Variants in SPOCK2 observed in about 807,000 individuals in gnomAD.
SPOCK2 encodes testican-2.
A neutral mutation model predicts 60.1 loss-of-function variants in SPOCK2; 39 were observed. The observed-to-expected ratio is 0.65, with a 90% confidence interval of 0.50 to 0.85. The LOEUF (loss-of-function observed/expected upper bound fraction) is 0.85. SPOCK2 is among the 40% of genes least tolerant of loss of function. The pLI is 0.00. For missense variants in SPOCK2, 523 were observed against 567.4 expected (o/e 0.92, Z 0.80); for synonymous variants, 217 against 231.5 (o/e 0.94, Z 0.57).
intron 1 of SPOCK2, among the ~76,000 whole-genome samples, chr10:72,080,359 A>C (rs985263047): frequency 2.0e-5 from 3 of 152,204 alleles, no homozygotes; most frequent in Non-Finnish European, 4.4e-5. Context: ...TTTTGGCCTC[A>C]TTCCTCAGGC....
intron 6 of SPOCK2, 88 bp downstream of exon 6, chr10:72,068,099 C>T (rs1840595813): frequency 1.4e-6 from 2 of 1,445,032 alleles, no homozygotes; most frequent in African/African-American, 1.4e-5. Context: ...TCTTGCTCTG[C>T]ACACCTCTTC....
In SPOCK2 at chr10:72,062,586, G is replaced by T; in HGVS notation, c.*174C>A. The T allele has an allele frequency of 7.9e-7, 1 of 1,269,014 alleles. No homozygotes were observed. Among genetic ancestry groups the T allele is most frequent in the Non-Finnish European group, 1.1e-6 (1 of 925,194 alleles). 78.6% of individuals were successfully genotyped at this position (1,269,014 alleles called of 1,614,324 possible). A position where few individuals can be genotyped will look rare whatever the true frequency, so the allele number is the denominator to read the frequency against. On this transcript the variant is annotated 3_prime_UTR_variant, in exon 11 of 11. Coordinates refer to ENST00000373109, the MANE Select transcript of SPOCK2 (RefSeq NM_001244950.2). The surrounding 1 kb of genome is among the most constrained non-coding windows in gnomAD (Gnocchi z 4.3). ...ATGCATGCACACATGCACTCACACT[G>T]TCACCCGTCCCAGCCATCTGTGCCA...
chr10:72,067,186 T>C (rs921036783), intron 7 of SPOCK2, 66 bp from the exon 8 acceptor site: 4 of 1,474,062 alleles, frequency 2.7e-6, no homozygotes, highest in Non-Finnish European at 3.7e-6. Flanking sequence ...GCCCTCCATC[T>C]CTCCGCCTCG....
intron 7 of SPOCK2, among the ~76,000 whole-genome samples, 177 bp downstream of exon 7, chr10:72,067,436 T>C (rs112313296): frequency 3.2e-4 from 49 of 152,292 alleles, no homozygotes; most frequent in African/African-American, 1.1e-3. Context: ...CTAACTGGTA[T>C]CCCTCCTGCT....
chr10:72,072,178 C>A lies in SPOCK2; in HGVS notation c.325G>T (p.Ala109Ser). 6.5e-7 allele frequency: 1 copy of A among 1,545,608 alleles called. No homozygotes were observed. The highest frequency in any genetic ancestry group is 2.4e-5 in the East Asian group (1 of 41,890). ...KVCIAQGYQRAMCISRKKLEH... is the reference protein window; with the variant it reads ...KVCIAQGYQRSMCISRKKLEH... The stretch of plus-strand genomic sequence containing the variant: ...AGCTTCTTGCGACTGATGCACATGG[C>A]CCGCTGGTAGCCCTGGGCAATGCAC... Residue 109 changes from alanine (A) to serine (S), a missense_variant, in exon 4 of 11, where the codon GCC (alanine) becomes TCC (serine). Transcript: ENST00000373109.
intron 1 of SPOCK2, among the ~76,000 whole-genome samples, chr10:72,081,337 G>T (rs1840781185): frequency 6.6e-6 from 1 of 152,226 alleles, no homozygotes; most frequent in African/African-American, 2.4e-5. Flanking sequence ...GGGGACAAGG[G>T]GTCAGGGAAG....
At chr10:72,063,585 G>A (rs541173720) in intron 9 of SPOCK2, among the ~76,000 whole-genome samples, 15 of 152,328 alleles carry the variant, frequency 9.8e-5, no homozygotes, top group African/African-American at 3.6e-4. Flanking sequence ...ACCTGCCTCC[G>A]GGGCCCACTT....
chr10:72,085,337 A>C (rs755118071), intron 1 of SPOCK2, among the ~76,000 whole-genome samples: 2 of 152,042 alleles, frequency 1.3e-5, no homozygotes, highest in African/African-American at 2.4e-5. Flanking sequence ...GAAGAGATCG[A>C]CCCAGGCACA....
In SPOCK2 at chr10:72,087,652, G is replaced by A. The variant is rs1233593158; in HGVS notation, c.189+488C>T. 6.6e-6 allele frequency among the ~76,000 whole-genome samples: 1 copy of A among 152,184 alleles called. No homozygotes were observed. Among genetic ancestry groups the A allele is most frequent in the Non-Finnish European group, 1.5e-5 (1 of 68,018 alleles). On this transcript the variant is annotated intron_variant, in intron 1 of 10. Coordinates refer to ENST00000373109, the MANE Select transcript of SPOCK2 (RefSeq NM_001244950.2). The surrounding 1 kb of genome is among the most constrained non-coding windows in gnomAD (Gnocchi z 4.7). ...TCCCGCAAAGCCCACGGTGGGAACA[G>A]AGGGCACCGCGCGAGCCGATGCCAC...
chr10:72,086,647 C>G, intron 1 of SPOCK2: 1 of 1,238,134 alleles, frequency 8.1e-7, no homozygotes, highest in African/African-American at 1.6e-5. Flanking sequence ...CCTCGCGGGG[C>G]TCCAGGCTCC....
intron 1 of SPOCK2, among the ~76,000 whole-genome samples, chr10:72,078,802 T>G (rs1332360910): frequency 6.6e-6 from 1 of 152,088 alleles, no homozygotes; most frequent in Non-Finnish European, 1.5e-5. Flanking sequence ...CGAGCCCCAC[T>G]CCTTATCCTT....
At chr10:72,069,811 T>C (rs1245015722) in intron 5 of SPOCK2, among the ~76,000 whole-genome samples, 2 of 152,196 alleles carry the variant, frequency 1.3e-5, no homozygotes, top group Non-Finnish European at 2.9e-5. Flanking sequence ...CTCATAAAAA[T>C]CCACATAAGG....
chr10:72,085,758 A>C (rs1339258986), intron 1 of SPOCK2, among the ~76,000 whole-genome samples: 1 of 152,202 alleles, frequency 6.6e-6, no homozygotes, highest in Non-Finnish European at 1.5e-5. Context: ...CCTTTGAGGA[A>C]CCAAGGAGCA....
In SPOCK2 at chr10:72,072,531, G is replaced by A; in HGVS notation, c.216C>T (p.Ser72=). The change falls in exon 3 of 11, where the codon AGC becomes AGT. Residue 72 remains serine (S), a synonymous_variant. Coordinates refer to ENST00000373109, the MANE Select transcript of SPOCK2 (RefSeq NM_001244950.2). ...RDEVEDDYIK[S]WEDNQQGDEA... is the part of the protein sequence containing the mutation. ...CATCTCCTTGCTGATTGTCCTCCCAGCTCTTGATATAGTCATCCTAGAGGA... is the reference window on the plus strand; with the variant it reads ...CATCTCCTTGCTGATTGTCCTCCCAACTCTTGATATAGTCATCCTAGAGGA... 2 of 1,614,022 alleles carry A rather than the reference G, an allele frequency of 1.2e-6. No homozygotes were observed. The highest frequency in any genetic ancestry group is 1.7e-6 in the Non-Finnish European group (2 of 1,180,028).
At chr10:72,088,047 C>A in intron 1 of SPOCK2, 93 bp downstream of exon 1, 1 of 1,495,042 alleles carries the variant, frequency 6.7e-7, no homozygotes, top group East Asian at 2.3e-5. Flanking sequence ...GAGCCTCGGG[C>A]TGCGACGTGC....
In SPOCK2 at chr10:72,072,169, T is replaced by G. The variant is rs139124115; in HGVS notation, c.334A>C (p.Ile112Leu). ...CTGTGCTCCAGCTTCTTGCGACTGA[T>G]GCACATGGCCCGCTGGTAGCCCTGG... ...IAQGYQRAMC[I>L]SRKKLEHRIK... Residue 112 changes from isoleucine to leucine, a missense_variant, in exon 4 of 11, where the codon ATC (isoleucine) becomes CTC (leucine). Coordinates refer to ENST00000373109, the MANE Select transcript of SPOCK2 (RefSeq NM_001244950.2). The G allele has an allele frequency of 4.6e-6, 7 of 1,536,760 alleles. No homozygotes were observed. In the Admixed American group the frequency reaches 1.3e-4, roughly 28 times the overall value.
chr10:72,088,492 GT>G lies in SPOCK2; in HGVS notation c.-165del. ...TGGGTCGCGGCTGAAATGTGACCTGGTTAGGAGATGCACTTGTCTGAAAAAG... is the reference window on the plus strand; with the variant it reads ...TGGGTCGCGGCTGAAATGTGACCTGGTAGGAGATGCACTTGTCTGAAAAAG... On this transcript the variant is annotated 5_prime_UTR_variant, in exon 1 of 11. Transcript: ENST00000373109. 1.3e-6 allele frequency: 1 copy of G among 752,396 alleles called. No homozygotes were observed. Among genetic ancestry groups the G allele is most frequent in the Non-Finnish European group, 2.1e-6 (1 of 481,990 alleles). 46.6% of individuals were successfully genotyped at this position (752,396 alleles called of 1,614,324 possible).
chr10:72,074,747 C>T (rs543405553), intron 1 of SPOCK2, among the ~76,000 whole-genome samples: 4 of 152,298 alleles, frequency 2.6e-5, no homozygotes, highest in Middle Eastern at 3.4e-3. Flanking sequence ...AGACTGCTCC[C>T]GTGAGAGCCC....
chr10:72,072,681 C>A, intron 2 of SPOCK2, 133 bp from the exon 3 acceptor site: 1 of 1,271,186 alleles, frequency 7.9e-7, no homozygotes, highest in Non-Finnish European at 1.1e-6. Context: ...TGGCTGACCC[C>A]TGTCCACCCA....
Sources: allele counts gnomAD v4.1 joint callset (sites outside exome capture counted in the v4.1 genomes callset), GRCh38; gene constraint gnomAD v4.1.1; non-coding constraint Gnocchi (gnomAD v3.1); transcripts MANE v1.5; gene names NCBI Gene and HGNC (gene_info 2026-07-23, HGNC 2026-07-21).